Variants in CABIN1 observed in about 807,000 individuals in gnomAD.
CABIN1 encodes the protein calcineurin binding protein 1, also known as calcineurin-binding protein cabin-1.
In CABIN1, 133 loss-of-function variants were observed where a neutral mutation model predicts 227.7. That is an observed-to-expected ratio of 0.58 (90% CI 0.51 to 0.67). The LOEUF (loss-of-function observed/expected upper bound fraction) is 0.67, where lower values mean the gene tolerates loss of function less well. Ranked by LOEUF, CABIN1 falls within the 30% of genes least tolerant of loss-of-function variation. CABIN1 has a pLI of 0.00. For synonymous variants in CABIN1, 1,086 were observed against 1,155.1 expected (o/e 0.94, Z 1.21); for missense variants, 2,408 against 2,852.5 (o/e 0.84, Z 3.55).
chr22:24,131,008 G>A lies in CABIN1; in HGVS notation c.4633-3294G>A, dbSNP rs192159095. ...CTGGCTTGGTGCAGGTGGAGTGGTGGAAAACAAACCAGAGAGGAATGTCCA... is the reference window on the plus strand; with the variant it reads ...CTGGCTTGGTGCAGGTGGAGTGGTGAAAAACAAACCAGAGAGGAATGTCCA... On this transcript the variant is annotated intron_variant, in intron 28 of 36. Coordinates refer to ENST00000263119, the MANE Select transcript of CABIN1 (RefSeq NM_012295.4). Among the ~76,000 whole-genome samples, 632 of 152,280 alleles carry A rather than the reference G, an allele frequency of 4.2e-3. 4 individuals are homozygous for A. The highest frequency in any genetic ancestry group is 0.015 in the African/African-American group (613 of 41,554).
chr22:24,019,035 A>G (rs575833156), intron 1 of CABIN1, among the ~76,000 whole-genome samples: 2 of 151,068 alleles, frequency 1.3e-5, no homozygotes, highest in South Asian at 4.2e-4. Context: ...TTTCTCTACC[A>G]TAATGTCTTC....
In CABIN1 at chr22:24,060,066, C is replaced by T. The variant is rs1439858436; in HGVS notation, c.1542C>T (p.Val514=). The T allele has an allele frequency of 1.2e-6, 2 of 1,614,146 alleles. No individual in the cohort carries two copies. Among genetic ancestry groups the T allele is most frequent in the South Asian group, 2.2e-5 (2 of 91,072 alleles). Residue 514 remains valine (V), a synonymous_variant, in exon 12 of 37, where the codon GTC becomes GTT. Transcript: ENST00000263119. Reference sequence around the variant, plus strand: ...GCTTGGCGGAGGTCGTGCTCAGCGTCTACCACAGCTGGAGGAGGCACAGCA... The same window carrying T: ...GCTTGGCGGAGGTCGTGCTCAGCGTTTACCACAGCTGGAGGAGGCACAGCA... ...PPGLAEVVLS[V]YHSWRRHSTS...
intron 1 of CABIN1, among the ~76,000 whole-genome samples, chr22:24,018,893 C>G (rs958472395): frequency 6.6e-6 from 1 of 152,060 alleles, no homozygotes; most frequent in African/African-American, 2.4e-5. Context: ...TATCCAGGAA[C>G]AGGGGATGTC....
rs148993538 is a variant in CABIN1, at chr22:24,063,071, C to T, written c.1809C>T (p.Arg603=). 1.0e-4 allele frequency: 164 copies of T among 1,614,056 alleles called. No homozygotes were observed. Among genetic ancestry groups the T allele is most frequent in the African/African-American group, 2.0e-4 (15 of 74,918 alleles). The change falls in exon 14 of 37, where the codon CGC becomes CGT. Residue 603 remains arginine (R), a synonymous_variant. Coordinates refer to ENST00000263119, the MANE Select transcript of CABIN1 (RefSeq NM_012295.4). ...AGCTGTCATTTGCCTCGTCCCAGCG[C>T]GACCTGTTCGAGGATGGTTGGCTGG... The part of the protein sequence containing the change: ...LLQLSFASSQ[R]DLFEDGWLEF...
chr22:24,104,150 C>T (rs1340451415), intron 26 of CABIN1, among the ~76,000 whole-genome samples: 1 of 152,054 alleles, frequency 6.6e-6, no homozygotes, highest in African/African-American at 2.4e-5. Context: ...GTGATGTGGT[C>T]ACAGGATCTC....
chr22:24,071,004 A>G lies in CABIN1; in HGVS notation c.2437A>G (p.Thr813Ala), dbSNP rs1359667614. Residue 813 changes from threonine to alanine, a missense_variant, in exon 17 of 37, where the codon ACC (threonine) becomes GCC (alanine). Transcript: ENST00000263119. Reference protein sequence around the residue: ...SGSILKVSSSTTGLVRLTNNL... With the variant: ...SGSILKVSSSATGLVRLTNNL... The stretch of plus-strand genomic sequence containing the variant: ...TAGCATCCTGAAGGTATCATCCTCC[A>G]CCACTGGCCTTGTGCGGCTCACCAA... The G allele has an allele frequency of 6.2e-7, 1 of 1,614,140 alleles. No homozygotes were observed. The highest frequency in any genetic ancestry group is 1.3e-5 in the African/African-American group (1 of 75,028).
At chr22:24,079,644 T>C (rs1367477908) in intron 19 of CABIN1, among the ~76,000 whole-genome samples, 1 of 152,208 alleles carries the variant, frequency 6.6e-6, no homozygotes, top group Non-Finnish European at 1.5e-5. Context: ...TAATAATTTA[T>C]AATTATTAGT....
intron 28 of CABIN1, 69 bp from the exon 29 acceptor site, chr22:24,134,233 G>A (rs1017085884): frequency 7.0e-6 from 8 of 1,142,750 alleles, no homozygotes; most frequent in South Asian, 2.6e-5. Context: ...GGAGGGGACC[G>A]CCTGCCTTCC....
chr22:24,162,974 G>A (rs1169492671), intron 29 of CABIN1, among the ~76,000 whole-genome samples: 2 of 152,184 alleles, frequency 1.3e-5, no homozygotes. Context: ...GACAGTGTCT[G>A]CCCATTCTGG....
chr22:24,076,893 G>A (rs1400321851), intron 19 of CABIN1, among the ~76,000 whole-genome samples: 1 of 152,122 alleles, frequency 6.6e-6, no homozygotes, highest in Non-Finnish European at 1.5e-5. Flanking sequence ...CAGTTACAGA[G>A]CACCTGGTGT....
intron 26 of CABIN1, among the ~76,000 whole-genome samples, chr22:24,111,485 C>T (rs984614818): frequency 2.6e-5 from 4 of 152,148 alleles, no homozygotes; most frequent in South Asian, 4.1e-4. Context: ...CTAGGTTGTG[C>T]GCTCCTCGTG....
chr22:24,095,467 G>A (rs541001811), intron 24 of CABIN1, among the ~76,000 whole-genome samples: 60 of 141,654 alleles, frequency 4.2e-4, no homozygotes, highest in African/African-American at 1.5e-3. Context: ...TTCGAGGCCT[G>A]TGGGTGCCTG....
intron 29 of CABIN1, among the ~76,000 whole-genome samples, chr22:24,136,817 C>T (rs899371108): frequency 6.6e-6 from 1 of 151,830 alleles, no homozygotes; most frequent in African/African-American, 2.4e-5. Context: ...TGTGACATTA[C>T]GTTAATTTTA....
intron 29 of CABIN1, among the ~76,000 whole-genome samples, chr22:24,163,583 A>C (rs774342113): frequency 6.6e-6 from 1 of 152,160 alleles, no homozygotes; most frequent in Non-Finnish European, 1.5e-5. Flanking sequence ...TCTAGGAGCC[A>C]GTTCACTTAT....
At chr22:24,066,796 G>A (rs2039712775) in intron 15 of CABIN1, among the ~76,000 whole-genome samples, 191 bp from the exon 16 acceptor site, 1 of 152,210 alleles carries the variant, frequency 6.6e-6, no homozygotes, top group African/African-American at 2.4e-5. Context: ...GCCATTAATA[G>A]AAATACTTTT....
At chr22:24,033,767 T>C (rs2036668517) in intron 1 of CABIN1, among the ~76,000 whole-genome samples, 1 of 152,242 alleles carries the variant, frequency 6.6e-6, no homozygotes, top group Admixed American at 6.5e-5. Flanking sequence ...CTTTGTAATT[T>C]ACATGCCATG....
chr22:24,158,653 C>T (rs1431326831), intron 29 of CABIN1, among the ~76,000 whole-genome samples: 1 of 152,210 alleles, frequency 6.6e-6, no homozygotes, highest in East Asian at 1.9e-4. Context: ...GCTTGGCCGA[C>T]GCTTCTTCTC....
In CABIN1 at chr22:24,164,410, G is replaced by A. The variant is rs1191628787; in HGVS notation, c.4757G>A (p.Arg1586Gln). The A allele has an allele frequency of 1.2e-6, 2 of 1,603,484 alleles. No homozygotes were observed. The highest frequency in any genetic ancestry group is 1.7e-6 in the Non-Finnish European group (2 of 1,179,968). ...NKTNFFNGIW[R>Q]IPVDEIDRPG... Reference sequence around the variant, plus strand: ...CCATCCATCCCACAGGGCATCTGGCGGATCCCCGTGGACGAGATTGACCGG... The same window carrying A: ...CCATCCATCCCACAGGGCATCTGGCAGATCCCCGTGGACGAGATTGACCGG... The change falls in exon 30 of 37, where the codon CGG (arginine) becomes CAG (glutamine). Residue 1586 changes from arginine to glutamine, a missense_variant. This residue lies in a region of CABIN1 where 649 missense variants were observed against 910.3 expected (regional missense o/e 0.71). Transcript: ENST00000263119.
intron 15 of CABIN1, 90 bp downstream of exon 15, chr22:24,064,277 C>T: frequency 7.4e-7 from 1 of 1,359,772 alleles, no homozygotes; most frequent in Non-Finnish European, 1.0e-6. Flanking sequence ...GCAATCTCGG[C>T]TCACTGCAAC....
Sources: allele counts gnomAD v4.1 joint callset (sites outside exome capture counted in the v4.1 genomes callset), GRCh38; gene constraint gnomAD v4.1.1; regional missense constraint gnomAD v4.1.1; transcripts MANE v1.5; gene names NCBI Gene and HGNC (gene_info 2026-07-23, HGNC 2026-07-21).